SLC41A2: variants seen among roughly 807,000 people sequenced by gnomAD.
The protein encoded by SLC41A2 is SLC41A1-like 1.
Under a neutral mutation model 58.3 loss-of-function variants are expected in SLC41A2, and 32 were observed. The observed-to-expected ratio is 0.55, with a 90% CI of 0.41 to 0.74. The LOEUF is 0.74. SLC41A2 is among the 30% of genes least tolerant of loss of function. SLC41A2 has a pLI of 0.00. For missense variants in SLC41A2, 514 were observed against 680.6 expected (o/e 0.76, Z 2.72); for synonymous variants, 190 against 235.0 (o/e 0.81, Z 1.75).
chr12:104,897,020 G>A (rs749741159), intron 3 of SLC41A2, among the ~76,000 whole-genome samples: 4 of 152,012 alleles, frequency 2.6e-5, no homozygotes, highest in African/African-American at 4.8e-5. Flanking sequence ...ACCACAGATC[G>A]TCATTTCTCC....
chr12:104,926,393 G>A (rs1322802128), intron 2 of SLC41A2, among the ~76,000 whole-genome samples: 1 of 152,096 alleles, frequency 6.6e-6, no homozygotes, highest in Non-Finnish European at 1.5e-5. Context: ...TTGAGGTCAG[G>A]AGATTGAGAC....
chr12:104,810,751 T>A (rs2041138072), intron 10 of SLC41A2, among the ~76,000 whole-genome samples: 1 of 152,154 alleles, frequency 6.6e-6, no homozygotes, highest in South Asian at 2.1e-4. Flanking sequence ...GCTATGTAGT[T>A]GTCACAGAGA....
At chr12:104,915,835 C>T (rs1270061790) in intron 2 of SLC41A2, among the ~76,000 whole-genome samples, 1 of 152,144 alleles carries the variant, frequency 6.6e-6, no homozygotes, top group Admixed American at 6.6e-5. Context: ...AGAGGGCATC[C>T]CTGTCTTGTG....
At position 104,895,303 on chromosome 12, in the gene SLC41A2, G is replaced by A; in HGVS notation, c.706C>T (p.Leu236=). The part of the protein sequence containing the change: ...KMDSPIEKWN[L]IIGNLALKQV... ...TTTAAAGCCAAGTTGCCAATTATTA[G>A]GTTCCACTTTTCAATGGGTGAATCC... Residue 236 remains leucine (L), a synonymous_variant, in exon 4 of 11, where the codon CTA becomes TTA. Transcript: ENST00000258538. 3 of 1,613,146 alleles carry A rather than the reference G, an allele frequency of 1.9e-6. No homozygotes were observed. The highest frequency in any genetic ancestry group is 3.3e-5 in the Admixed American group (2 of 59,976).
chr12:104,881,815 T>C (rs1418810177), intron 6 of SLC41A2, among the ~76,000 whole-genome samples: 1 of 152,220 alleles, frequency 6.6e-6, no homozygotes, highest in African/African-American at 2.4e-5. Flanking sequence ...GAGAGGTCTG[T>C]AGATGTCTAT....
At chr12:104,850,464 A>G (rs1165789089) in intron 8 of SLC41A2, among the ~76,000 whole-genome samples, 2 of 152,176 alleles carry the variant, frequency 1.3e-5, no homozygotes, top group African/African-American at 4.8e-5. Flanking sequence ...TATATCACCT[A>G]TATATTGCCG....
At chr12:104,833,857 T>G (rs1435052433) in intron 10 of SLC41A2, among the ~76,000 whole-genome samples, 1 of 152,106 alleles carries the variant, frequency 6.6e-6, no homozygotes, top group African/African-American at 2.4e-5. Flanking sequence ...GCAAATTTCC[T>G]GAGTAATTAT....
At chr12:104,930,707 C>T (rs896506668) in intron 1 of SLC41A2, among the ~76,000 whole-genome samples, 1 of 152,126 alleles carries the variant, frequency 6.6e-6, no homozygotes, top group Non-Finnish European at 1.5e-5. Context: ...TTCTAAAGTT[C>T]AGAAAGCTCA....
intron 1 of SLC41A2, among the ~76,000 whole-genome samples, chr12:104,930,057 G>A (rs960853855): frequency 6.6e-4 from 100 of 152,176 alleles, no homozygotes; most frequent in African/African-American, 2.1e-3. Flanking sequence ...TCTGGGATCT[G>A]GGAATTCCTT....
chr12:104,877,420 A>G (rs546310072), intron 6 of SLC41A2, among the ~76,000 whole-genome samples: 1 of 151,612 alleles, frequency 6.6e-6, no homozygotes, highest in East Asian at 1.9e-4. Context: ...AGAATCAATG[A>G]TACAGAAAAA....
intron 10 of SLC41A2, among the ~76,000 whole-genome samples, chr12:104,833,700 A>G (rs568874258): frequency 2.0e-5 from 3 of 152,314 alleles, no homozygotes; most frequent in Admixed American, 2.0e-4. Flanking sequence ...TTAGCTTTCA[A>G]ATTAAAAAGT....
At chr12:104,940,237 C>T (rs1340507174) in intron 1 of SLC41A2, among the ~76,000 whole-genome samples, 1 of 151,810 alleles carries the variant, frequency 6.6e-6, no homozygotes, top group African/African-American at 2.4e-5. Flanking sequence ...GTCTTGAACT[C>T]CCGACCCCAG....
intron 5 of SLC41A2, among the ~76,000 whole-genome samples, 153 bp from the exon 6 acceptor site, chr12:104,886,592 C>T (rs571731019): frequency 9.2e-5 from 14 of 152,156 alleles, no homozygotes; most frequent in African/African-American, 2.6e-4. Context: ...TTTACTCTAA[C>T]GCTTTGGCAA....
chr12:104,819,984 G>A (rs760585075), intron 10 of SLC41A2, among the ~76,000 whole-genome samples: 5 of 152,218 alleles, frequency 3.3e-5, no homozygotes, highest in Non-Finnish European at 7.3e-5. Flanking sequence ...GTTTCCTAAC[G>A]TCTCAGTAAT....
intron 1 of SLC41A2, among the ~76,000 whole-genome samples, chr12:104,955,082 G>A (rs181835581): frequency 1.4e-4 from 19 of 137,884 alleles, no homozygotes; most frequent in East Asian, 6.7e-4. Flanking sequence ...GCGTGATCTC[G>A]GTTCACTGCA....
At chr12:104,932,450 C>A (rs1192775566) in intron 1 of SLC41A2, among the ~76,000 whole-genome samples, 1 of 151,668 alleles carries the variant, frequency 6.6e-6, no homozygotes, top group Non-Finnish European at 1.5e-5. Flanking sequence ...CATGGCGAAA[C>A]CTTGTCTCTA....
At chr12:104,815,326 C>A (rs2041346726) in intron 10 of SLC41A2, among the ~76,000 whole-genome samples, 1 of 152,162 alleles carries the variant, frequency 6.6e-6, no homozygotes, top group Non-Finnish European at 1.5e-5. Flanking sequence ...GTTTTTATAT[C>A]ATCTGTTTGT....
intron 2 of SLC41A2, among the ~76,000 whole-genome samples, chr12:104,920,427 T>C (rs1019670141): frequency 5.3e-5 from 8 of 151,832 alleles, no homozygotes; most frequent in South Asian, 2.1e-4. Context: ...GAGATTGAAA[T>C]AATAAAAATA....
chr12:104,847,928 G>C (rs772036690), intron 8 of SLC41A2, among the ~76,000 whole-genome samples: 12 of 152,154 alleles, frequency 7.9e-5, no homozygotes, highest in Non-Finnish European at 1.6e-4. Flanking sequence ...TGTTAAGGGA[G>C]GACTTACTAT....
Sources: allele counts gnomAD v4.1 joint callset (sites outside exome capture counted in the v4.1 genomes callset), GRCh38; gene constraint gnomAD v4.1.1; transcripts MANE v1.5; gene names NCBI Gene and HGNC (gene_info 2026-07-23, HGNC 2026-07-21).